SOX5: variants seen among roughly 807,000 people sequenced by gnomAD.
The protein encoded by SOX5 is SRY-box transcription factor 5, also known as transcription factor SOX-5.
SOX5 carries 9 observed loss-of-function variants against 92.0 expected under a neutral mutation model. That is an observed-to-expected ratio of 0.10 (90% CI 0.06 to 0.17). The LOEUF (loss-of-function observed/expected upper bound fraction) is 0.17, where lower values mean the gene tolerates loss of function less well. Among genes scored for constraint, SOX5 ranks in the 10% least tolerant of loss-of-function variants. SOX5 has a pLI of 1.00. For missense variants in SOX5, 642 were observed against 944.5 expected, an observed-to-expected ratio of 0.68 and a Z score of 4.20; for synonymous variants, 344 against 336.3, an observed-to-expected ratio of 1.02 and a Z score of -0.25.
At chr12:23,879,274 G>T (rs758833056) in intron 2 of SOX5, among the ~76,000 whole-genome samples, 1 of 152,016 alleles carries the variant, frequency 6.6e-6, no homozygotes, top group Non-Finnish European at 1.5e-5. Flanking sequence ...GGAGGTAGTG[G>T]CTACTTAGTG....
intron 6 of SOX5, among the ~76,000 whole-genome samples, chr12:23,683,270 T>C (rs939352298): frequency 3.3e-5 from 5 of 151,880 alleles, no homozygotes; most frequent in African/African-American, 1.2e-4. Flanking sequence ...TTGTGTCTGA[T>C]TGTCCACACT....
intron 2 of SOX5, among the ~76,000 whole-genome samples, chr12:24,321,293 TACC>T (rs999666541): frequency 5.3e-5 from 8 of 152,354 alleles, no homozygotes; most frequent in East Asian, 1.9e-4. Context: ...AAGATATTGT[TACC>T]ACAATTTATA....
intron 4 of SOX5, among the ~76,000 whole-genome samples, chr12:24,182,984 G>C (rs1955662479): frequency 6.6e-6 from 1 of 152,262 alleles, no homozygotes; most frequent in South Asian, 2.1e-4. Context: ...AAAGTGCTGG[G>C]ATTACAAGCA....
chr12:23,567,464 A>ATTTTT (rs35620007), intron 10 of SOX5, among the ~76,000 whole-genome samples: 17 of 119,148 alleles, frequency 1.4e-4, no homozygotes, highest in African/African-American at 3.2e-4. Context: ...ATTTGATTTG[A>ATTTTT]TTTTTTTTTT....
intron 1 of SOX5, among the ~76,000 whole-genome samples, chr12:23,937,764 A>C (rs570844503): frequency 6.6e-6 from 1 of 151,008 alleles, no homozygotes; most frequent in East Asian, 1.9e-4. Context: ...GGAGGGAACA[A>C]AATTTTGGCT....
At chr12:24,467,439 A>C (rs1281683032) in intron 1 of SOX5, among the ~76,000 whole-genome samples, 1 of 152,250 alleles carries the variant, frequency 6.6e-6, no homozygotes. Flanking sequence ...GTGAATCTTA[A>C]AGAAAAATAG....
At chr12:24,350,657 AC>A (rs1953961292) in intron 2 of SOX5, among the ~76,000 whole-genome samples, 1 of 152,020 alleles carries the variant, frequency 6.6e-6, no homozygotes. Flanking sequence ...TCAGCTTTTA[AC>A]CTTAGCTTTT....
intron 1 of SOX5, among the ~76,000 whole-genome samples, chr12:24,483,070 A>G (rs1296830599): frequency 1.3e-5 from 2 of 152,234 alleles, no homozygotes; most frequent in African/African-American, 2.4e-5. Flanking sequence ...ACTCAGTTAC[A>G]ATGATACTTA....
chr12:24,515,307 G>C (rs1168879016), intron 1 of SOX5, among the ~76,000 whole-genome samples: 3 of 152,018 alleles, frequency 2.0e-5, no homozygotes, highest in Non-Finnish European at 4.4e-5. Flanking sequence ...GGGTTTGTTG[G>C]GTTACTATGA....
At chr12:23,889,331 C>G (rs1465370212) in intron 2 of SOX5, among the ~76,000 whole-genome samples, 1 of 152,102 alleles carries the variant, frequency 6.6e-6, no homozygotes, top group Non-Finnish European at 1.5e-5. Flanking sequence ...ATAATTAAGG[C>G]CCTATTCTGT....
At chr12:23,700,569 A>C (rs1178720355) in intron 6 of SOX5, among the ~76,000 whole-genome samples, 1 of 152,020 alleles carries the variant, frequency 6.6e-6, no homozygotes, top group Non-Finnish European at 1.5e-5. Context: ...GCAAAAGCTG[A>C]CCATACTCTC....
At chr12:23,724,482 C>A (rs1864020684) in intron 6 of SOX5, among the ~76,000 whole-genome samples, 1 of 152,012 alleles carries the variant, frequency 6.6e-6, no homozygotes, top group South Asian at 2.1e-4. Context: ...AATATCAAGT[C>A]AAAAATTTAT....
chr12:23,980,590 T>A (rs1413885541), intron 4 of SOX5, among the ~76,000 whole-genome samples: 6 of 152,212 alleles, frequency 3.9e-5, no homozygotes, highest in African/African-American at 1.4e-4. Context: ...AGTTCTAACA[T>A]GTCTAAAACA....
chr12:24,242,640 T>A (rs1937654695), intron 3 of SOX5, among the ~76,000 whole-genome samples: 2 of 142,326 alleles, frequency 1.4e-5, no homozygotes, highest in Admixed American at 1.5e-4. Flanking sequence ...AAAACTCCAA[T>A]AAGATATCAC....
intron 4 of SOX5, among the ~76,000 whole-genome samples, chr12:24,132,848 G>C (rs1949775280): frequency 6.6e-6 from 1 of 152,082 alleles, no homozygotes; most frequent in Non-Finnish European, 1.5e-5. Flanking sequence ...GAACAGAAAT[G>C]ATAAGCTTTT....
chr12:23,604,501 C>T lies in SOX5; in HGVS notation c.1050G>A (p.Gln350=). ...CTGGCAGCTTCCCTCCTGGAGATACCTGCATTGCAGCTAGCTGGGCAGCAT... is the reference window on the plus strand; with the variant it reads ...CTGGCAGCTTCCCTCCTGGAGATACTTGCATTGCAGCTAGCTGGGCAGCAT... ...QLYAAQLAAM[Q]VSPGGKLPGI... The change falls in exon 9 of 15, where the codon CAG becomes CAA. Residue 350 remains glutamine (Q), a synonymous_variant. Coordinates refer to ENST00000451604, the MANE Select transcript of SOX5 (RefSeq NM_006940.6). The T allele has an allele frequency of 6.2e-7, 1 of 1,613,694 alleles. No homozygotes were observed. The highest frequency in any genetic ancestry group is 1.3e-5 in the African/African-American group (1 of 74,938).
intron 1 of SOX5, among the ~76,000 whole-genome samples, chr12:24,458,484 G>C (rs1943265798): frequency 6.6e-6 from 1 of 152,098 alleles, no homozygotes; most frequent in Admixed American, 6.6e-5. Flanking sequence ...ATCAGCTGGA[G>C]AGCTTCTTTA....
intron 6 of SOX5, among the ~76,000 whole-genome samples, chr12:23,694,606 GA>G (rs879816144): frequency 2.6e-5 from 4 of 151,994 alleles, no homozygotes; most frequent in Admixed American, 2.6e-4. Context: ...TAATTTATGT[GA>G]AAAATGCAGA....
chr12:23,960,488 T>C (rs1194055704), intron 4 of SOX5, among the ~76,000 whole-genome samples: 1 of 141,454 alleles, frequency 7.1e-6, no homozygotes, highest in African/African-American at 2.5e-5. Flanking sequence ...GTTTTATATA[T>C]ATTTATATAC....
Sources: gnomAD v4.1 joint callset for allele counts (sites outside exome capture counted in the v4.1 genomes callset) on GRCh38, gnomAD v4.1.1 for gene constraint, MANE v1.5 for transcripts, NCBI Gene and HGNC (gene_info 2026-07-23, HGNC 2026-07-21) for gene names.